Variants in FAM210A observed in about 807,000 individuals in gnomAD.
FAM210A encodes the protein family with sequence similarity 210 member A.
A neutral mutation model predicts 25.3 loss-of-function variants in FAM210A; 13 were observed. The ratio of observed to expected loss-of-function variants is 0.51; its 90% CI spans 0.33 to 0.82. The LOEUF (loss-of-function observed/expected upper bound fraction) is 0.82. Ranked by LOEUF, FAM210A falls within the 40% of genes least tolerant of loss-of-function variation. The pLI is 0.02. For synonymous variants in FAM210A, 125 were observed against 118.7 expected (o/e 1.05, Z -0.35); for missense variants, 319 against 323.2 (o/e 0.99, Z 0.10).
chr18:13,680,969 A>G (rs972361455), intron 2 of FAM210A, among the ~76,000 whole-genome samples: 14 of 152,266 alleles, frequency 9.2e-5, no homozygotes, highest in Admixed American at 2.6e-4. Flanking sequence ...TGATCAGAAC[A>G]AAAGACCTTT....
At chr18:13,723,145 T>C (rs1048345263) in intron 1 of FAM210A, among the ~76,000 whole-genome samples, 1 of 152,220 alleles carries the variant, frequency 6.6e-6, no homozygotes, top group Non-Finnish European at 1.5e-5. Context: ...CTTTTGCATA[T>C]CTTTGTTGCC....
chr18:13,668,584 A>T (rs1216445807), intron 3 of FAM210A, among the ~76,000 whole-genome samples: 2 of 152,154 alleles, frequency 1.3e-5, no homozygotes, highest in African/African-American at 4.8e-5. Flanking sequence ...TGAGTCACTT[A>T]ATGGGGATAC....
At chr18:13,720,036 T>C (rs2043886785) in intron 1 of FAM210A, among the ~76,000 whole-genome samples, 2 of 152,348 alleles carry the variant, frequency 1.3e-5, no homozygotes, top group South Asian at 4.1e-4. Context: ...TGCTGAAATA[T>C]TCTAGTCATT....
rs118186385 is a variant in FAM210A, at chr18:13,672,846, T to C, written c.474-873A>G. On this transcript the variant is annotated intron_variant, in intron 2 of 3. Transcript: ENST00000651643. ...TTCAATTACTCTAAAAGGATGCTTC[T>C]ATTCTATTAAAAGACTTAAGGCAGG... Among the ~76,000 whole-genome samples the C allele has an allele frequency of 6.8e-3, 1,033 of 152,378 alleles. 13 individuals are homozygous for C. The highest frequency in any genetic ancestry group is 0.013 in the Non-Finnish European group (852 of 68,028).
At chr18:13,694,830 C>A (rs2043678830) in intron 1 of FAM210A, among the ~76,000 whole-genome samples, 1 of 152,172 alleles carries the variant, frequency 6.6e-6, no homozygotes, top group Admixed American at 6.5e-5. Context: ...CACTAAAACA[C>A]CAAAAGCAAT....
chr18:13,713,767 G>A (rs1018262953), intron 1 of FAM210A, among the ~76,000 whole-genome samples: 3 of 49,188 alleles, frequency 6.1e-5, no homozygotes, highest in African/African-American at 2.0e-4. Context: ...TAGAGACAGG[G>A]TCTTGCTCTG....
chr18:13,714,461 G>C (rs1409642306), intron 1 of FAM210A, among the ~76,000 whole-genome samples: 1 of 152,138 alleles, frequency 6.6e-6, no homozygotes, highest in Non-Finnish European at 1.5e-5. Context: ...AAATGAGGCT[G>C]GAATTCTAGA....
intron 1 of FAM210A, among the ~76,000 whole-genome samples, chr18:13,707,105 C>T (rs4797803): frequency 6.6e-6 from 1 of 152,188 alleles, no homozygotes; most frequent in South Asian, 2.1e-4. Flanking sequence ...ATGACAAGAG[C>T]TGAAAGAAAT....
Position 13,664,751 on chromosome 18 carries a change from T to G in FAM210A, c.*1729A>C, listed in dbSNP as rs927154568. Reference sequence around the variant, plus strand: ...TAATTAGACTCATCAAATACAAACTTTTTTTCCCCTTTAAACTATACTCTA... The same window carrying G: ...TAATTAGACTCATCAAATACAAACTGTTTTTCCCCTTTAAACTATACTCTA... On this transcript the variant is annotated 3_prime_UTR_variant, in exon 4 of 4. Transcript: ENST00000651643. The G allele has an allele frequency of 6.6e-6, 1 of 152,170 alleles. No individual in the cohort carries two copies. Among genetic ancestry groups the G allele is most frequent in the African/African-American group, 2.4e-5 (1 of 41,436 alleles). 9.4% of individuals were successfully genotyped at this position (152,170 alleles called of 1,614,324 possible).
At chr18:13,706,524 A>G (rs1341474835) in intron 1 of FAM210A, among the ~76,000 whole-genome samples, 1 of 152,256 alleles carries the variant, frequency 6.6e-6, no homozygotes, top group Non-Finnish European at 1.5e-5. Flanking sequence ...AGTCAGAAAC[A>G]GCACATTGAT....
chr18:13,679,930 A>C (rs2149056004), intron 2 of FAM210A, among the ~76,000 whole-genome samples: 1 of 152,334 alleles, frequency 6.6e-6, no homozygotes, highest in East Asian at 1.9e-4. Context: ...CTTTTACCAG[A>C]GAATAAGGAA....
chr18:13,689,344 C>T (rs1217900284), intron 1 of FAM210A, among the ~76,000 whole-genome samples: 1 of 152,168 alleles, frequency 6.6e-6, no homozygotes, highest in African/African-American at 2.4e-5. Context: ...TTGGTTATCA[C>T]AATCAATGTA....
At chr18:13,674,773 A>T (rs398102362) in intron 2 of FAM210A, among the ~76,000 whole-genome samples, 3 of 40,572 alleles carry the variant, frequency 7.4e-5, no homozygotes, top group Non-Finnish European at 9.3e-5. Flanking sequence ...CTTTATTTCC[A>T]GTTTTCTGAT....
chr18:13,695,430 C>T (rs532769913), intron 1 of FAM210A, among the ~76,000 whole-genome samples: 16 of 152,282 alleles, frequency 1.1e-4, no homozygotes, highest in South Asian at 6.2e-4. Context: ...TTTATTGTGG[C>T]GCTATTCACA....
intron 1 of FAM210A, among the ~76,000 whole-genome samples, chr18:13,721,881 C>T (rs990039032): frequency 1.3e-5 from 2 of 152,114 alleles, no homozygotes; most frequent in Non-Finnish European, 2.9e-5. Flanking sequence ...TTCCTCTTCT[C>T]CAGTGCACAC....
chr18:13,705,786 C>T (rs1568487087), intron 1 of FAM210A, among the ~76,000 whole-genome samples: 1 of 152,148 alleles, frequency 6.6e-6, no homozygotes, highest in Admixed American at 6.5e-5. Flanking sequence ...AAAATAATTT[C>T]ATAACCAATG....
At chr18:13,694,717 C>T (rs1282408805) in intron 1 of FAM210A, among the ~76,000 whole-genome samples, 3 of 152,172 alleles carry the variant, frequency 2.0e-5, no homozygotes, top group Non-Finnish European at 4.4e-5. Context: ...AAAATTAATT[C>T]AAGATGGATT....
rs35023957 is a variant in FAM210A at position 13,666,603 on chromosome 18, C to A, written c.696G>T (p.Leu232=). 5,742 of 1,614,150 alleles carry A rather than the reference C, an allele frequency of 3.6e-3. 121 individuals are homozygous for A. In the African/African-American group the frequency reaches 0.04, roughly 11 times the overall value. Residue 232 remains leucine (L), a synonymous_variant, in exon 4 of 4, where the codon CTG becomes CTT. Transcript: ENST00000651643. ...MSTPPPVKEY[L]QDRMEETKEL... is the part of the protein sequence containing the mutation. The stretch of plus-strand genomic sequence containing the variant: ...CCTTTGTCTCTTCCATCCTGTCCTG[C>A]AGATACTCCTTGACGGGTGGCGGCG...
chr18:13,674,069 T>C (rs1281792870), intron 2 of FAM210A, among the ~76,000 whole-genome samples: 1 of 151,108 alleles, frequency 6.6e-6, no homozygotes, highest in Non-Finnish European at 1.5e-5. Context: ...GTTTCCTGAT[T>C]ATTATAATTC....
Sources: gnomAD v4.1 joint callset for allele counts (sites outside exome capture counted in the v4.1 genomes callset) on GRCh38, gnomAD v4.1.1 for gene constraint, MANE v1.5 for transcripts, NCBI Gene and HGNC (gene_info 2026-07-23, HGNC 2026-07-21) for gene names.